Variants in FILIP1L observed in about 807,000 individuals in gnomAD.
FILIP1L encodes the protein filamin A-interacting protein 1-like.
A neutral mutation model predicts 96.6 loss-of-function variants in FILIP1L; 55 were observed. The ratio of observed to expected loss-of-function variants is 0.57; its 90% CI spans 0.46 to 0.71. The LOEUF (loss-of-function observed/expected upper bound fraction) is 0.71, where lower values mean the gene tolerates loss of function less well. Among genes scored for constraint, FILIP1L ranks in the 30% least tolerant of loss-of-function variants. The pLI, the probability that FILIP1L is intolerant of heterozygous loss-of-function variation, is 0.00. For synonymous variants in FILIP1L, 467 were observed against 473.9 expected (o/e 0.99, Z 0.19); for missense variants, 1,304 against 1,321.2 (o/e 0.99, Z 0.20).
At chr3:99,860,435 G>A (rs1944187234) in intron 4 of FILIP1L, among the ~76,000 whole-genome samples, 1 of 152,090 alleles carries the variant, frequency 6.6e-6, no homozygotes, top group African/African-American at 2.4e-5. Context: ...CTCAAATTGA[G>A]CACAAGGACT....
chr3:100,031,285 G>T (rs1217674405), intron 1 of FILIP1L, among the ~76,000 whole-genome samples: 1 of 152,058 alleles, frequency 6.6e-6, no homozygotes, highest in East Asian at 1.9e-4. Flanking sequence ...GGTCACAATG[G>T]AGGCCTATCT....
Position 100,045,386 on chromosome 3 carries a change from GAA to G in FILIP1L, c.-11+68665_-11+68666del, listed in dbSNP as rs557832644. On this transcript the variant is annotated intron_variant, in intron 1 of 5. Coordinates refer to ENST00000477258, the MANE Select transcript of FILIP1L (RefSeq NM_001387850.1). ...GCACTAATTGACAAAGAGGAGAGTG[GAA>G]AAGAGTGAATAAAGGAATGAACATA... Among the ~76,000 whole-genome samples the G allele has an allele frequency of 5.8e-4, 89 of 152,290 alleles. 1 individual carries two copies. The East Asian group carries it at 0.016, about 27-fold the overall frequency.
At chr3:99,925,873 C>T in intron 3 of FILIP1L, 1 of 985,388 alleles carries the variant, frequency 1.0e-6, no homozygotes. Context: ...TTTATCAGCT[C>T]CTGGCCTTGA....
chr3:100,033,273 C>A (rs1440353839), intron 1 of FILIP1L, among the ~76,000 whole-genome samples: 2 of 152,150 alleles, frequency 1.3e-5, no homozygotes, highest in African/African-American at 4.8e-5. Flanking sequence ...AGGCTGCATC[C>A]TTGAACTATT....
At chr3:99,869,659 T>C (rs1229082616) in intron 4 of FILIP1L, among the ~76,000 whole-genome samples, 1 of 152,146 alleles carries the variant, frequency 6.6e-6, no homozygotes, top group Non-Finnish European at 1.5e-5. Flanking sequence ...GGCAACTCCT[T>C]CCTTTTCTTC....
At chr3:99,959,849 G>C (rs1457946387) in intron 1 of FILIP1L, among the ~76,000 whole-genome samples, 2 of 152,126 alleles carry the variant, frequency 1.3e-5, no homozygotes, top group Non-Finnish European at 2.9e-5. Context: ...TTATGAGCAT[G>C]GTTCTTGACT....
At chr3:99,929,553 T>C (rs1707407568) in intron 3 of FILIP1L, among the ~76,000 whole-genome samples, 1 of 151,834 alleles carries the variant, frequency 6.6e-6, no homozygotes, top group Non-Finnish European at 1.5e-5. Flanking sequence ...AGCACATGTA[T>C]GTGTGTGCAT....
chr3:100,051,061 T>A (rs2065363345), intron 1 of FILIP1L, among the ~76,000 whole-genome samples: 1 of 150,904 alleles, frequency 6.6e-6, no homozygotes. Context: ...AAAGTGATAT[T>A]TTATTAGTAT....
chr3:99,875,871 T>C (rs1021903246), intron 4 of FILIP1L, among the ~76,000 whole-genome samples: 1 of 152,222 alleles, frequency 6.6e-6, no homozygotes, highest in Admixed American at 6.5e-5. Flanking sequence ...TAATCTGTTT[T>C]CTCCTCCAGA....
At chr3:99,973,574 TATC>T (rs1708884425) in intron 1 of FILIP1L, among the ~76,000 whole-genome samples, 1 of 152,218 alleles carries the variant, frequency 6.6e-6, no homozygotes, top group Non-Finnish European at 1.5e-5. Context: ...TCATGAAAGT[TATC>T]AACATCCTCC....
chr3:99,912,459 C>T (rs1706821535), intron 4 of FILIP1L, among the ~76,000 whole-genome samples: 1 of 152,180 alleles, frequency 6.6e-6, no homozygotes, highest in Non-Finnish European at 1.5e-5. Flanking sequence ...TTACTGCAGC[C>T]TTGACCTCCC....
At chr3:99,854,453 T>C (rs1943855113) in intron 4 of FILIP1L, among the ~76,000 whole-genome samples, 1 of 152,188 alleles carries the variant, frequency 6.6e-6, no homozygotes, top group Admixed American at 6.5e-5. Context: ...CTAAAATTCA[T>C]TCCCTAAGAG....
intron 4 of FILIP1L, among the ~76,000 whole-genome samples, chr3:99,917,109 G>C (rs1706977828): frequency 6.6e-6 from 1 of 152,150 alleles, no homozygotes; most frequent in African/African-American, 2.4e-5. Context: ...TTATAGGGCT[G>C]TTAAACTAGT....
At chr3:99,837,099 T>G (rs1477208033) in intron 5 of FILIP1L, among the ~76,000 whole-genome samples, 1 of 152,216 alleles carries the variant, frequency 6.6e-6, no homozygotes, top group African/African-American at 2.4e-5. Context: ...AGCATTTATA[T>G]TTTTCAGTTT....
intron 1 of FILIP1L, chr3:100,010,080 G>A (rs982322160): frequency 2.0e-5 from 10 of 512,244 alleles, no homozygotes; most frequent in Non-Finnish European, 2.5e-5. Flanking sequence ...ATTGAGGGTT[G>A]AGTACCATAC....
chr3:99,852,462 T>TA (rs972446924), intron 4 of FILIP1L, among the ~76,000 whole-genome samples: 3 of 152,136 alleles, frequency 2.0e-5, no homozygotes, highest in African/African-American at 7.2e-5. Flanking sequence ...TATTTTATTT[T>TA]TTGAAATTGA....
chr3:99,913,853 T>G (rs1351120234), intron 4 of FILIP1L, among the ~76,000 whole-genome samples: 1 of 152,234 alleles, frequency 6.6e-6, no homozygotes, highest in Non-Finnish European at 1.5e-5. Context: ...ATCTTGCTAA[T>G]GCGTTTCTTC....
chr3:99,872,917 C>CT lies in FILIP1L; in HGVS notation c.606-21848dup, dbSNP rs74418095. On this transcript the variant is annotated intron_variant, in intron 4 of 5. Transcript: ENST00000477258. Reference sequence around the variant, plus strand: ...ATGAAGGTCAAGGAGAATCTCAAGTCTTTTTTTTTTTTTAAAAAAAGGAGG... The same window carrying CT: ...ATGAAGGTCAAGGAGAATCTCAAGTCTTTTTTTTTTTTTTAAAAAAAGGAGG... 9.1e-3 allele frequency among the ~76,000 whole-genome samples: 1,300 copies of CT among 143,510 alleles called. 8 individuals carry two copies. The highest frequency in any genetic ancestry group is 0.028 in the African/African-American group (1,087 of 39,224). 94.1% of individuals were successfully genotyped at this position (143,510 alleles called of 152,430 possible). A position where few individuals can be genotyped will look rare whatever the true frequency, so the allele number is the denominator to read the frequency against.
rs545016919 is a variant in FILIP1L at position 99,948,181 on chromosome 3, A to G, written c.-10-17151T>C. Among the ~76,000 whole-genome samples the G allele has an allele frequency of 3.9e-5, 6 of 152,298 alleles. No homozygotes were observed. In the South Asian group the frequency reaches 1.2e-3, roughly 32 times the overall value. On this transcript the variant is annotated intron_variant, in intron 1 of 5. Coordinates refer to ENST00000477258, the MANE Select transcript of FILIP1L (RefSeq NM_001387850.1). ...GTTACCAAACAGTATACCAAAAACTAAAACATTGCATGGTATAGGACATGG... is the reference window on the plus strand; with the variant it reads ...GTTACCAAACAGTATACCAAAAACTGAAACATTGCATGGTATAGGACATGG...
Sources: allele counts gnomAD v4.1 joint callset (sites outside exome capture counted in the v4.1 genomes callset), GRCh38; gene constraint gnomAD v4.1.1; transcripts MANE v1.5; gene names NCBI Gene and HGNC (gene_info 2026-07-23, HGNC 2026-07-21).